The following HDX variants were observed in gnomAD, a reference collection of about 807,000 sequenced individuals.
HDX encodes the protein chromosome X open reading frame 43.
In HDX, 19 loss-of-function variants were observed where a neutral mutation model predicts 45.2. The ratio of observed to expected loss-of-function variants is 0.42; its 90% CI spans 0.29 to 0.62. The LOEUF (loss-of-function observed/expected upper bound fraction) is 0.62. Among genes scored for constraint, HDX ranks in the 20% least tolerant of loss-of-function variants. HDX has a pLI of 0.20. For missense variants in HDX, 532 were observed against 493.9 expected (o/e 1.08, Z -0.73); for synonymous variants, 188 against 172.8 (o/e 1.09, Z -0.69).
rs964438611 is a variant in HDX, at chrX:84,375,755, G to T, written c.1306-14143C>A. On this transcript the variant is annotated intron_variant, in intron 5 of 10. Coordinates refer to ENST00000373177, the MANE Select transcript of HDX (RefSeq NM_001177479.2). ...TCTGGGGACTGTTGTGGGGTGGGGG[G>T]AGTGGGGAGGGATAGCATTAGGAGA... Among the ~76,000 whole-genome samples, 83 of 107,481 alleles carry T rather than the reference G, an allele frequency of 7.7e-4. 1 individual carries two copies. The highest frequency in any genetic ancestry group is 1.4e-3 in the Admixed American group (14 of 10,021). The allele number at this position is 107,481 out of a possible 115,157, so 93.3% of individuals were successfully genotyped here. A position where few individuals can be genotyped will look rare whatever the true frequency, so the allele number is the denominator to read the frequency against.
intron 4 of HDX, among the ~76,000 whole-genome samples, chrX:84,465,390 A>G (rs1054899943): frequency 1.8e-5 from 2 of 112,417 alleles, no homozygotes; most frequent in Non-Finnish European, 3.8e-5. Context: ...TTGCAGCACT[A>G]TTGACAATAA....
In HDX at chrX:84,475,282, T is replaced by A; in HGVS notation, c.116A>T (p.Gln39Leu). The change falls in exon 3 of 11, where the codon CAG becomes CTG. Residue 39 changes from glutamine (Q) to leucine (L), a missense_variant. Coordinates refer to ENST00000373177, the MANE Select transcript of HDX (RefSeq NM_001177479.2). ...TACACTGAAGTCCAGCTTAGTCTCCTGTGCACACTGTAATATGAGCTGAAA... is the reference window on the plus strand; with the variant it reads ...TACACTGAAGTCCAGCTTAGTCTCCAGTGCACACTGTAATATGAGCTGAAA... Reference protein sequence around the residue: ...NCFQLILQCAQETKLDFSVVR... With the variant: ...NCFQLILQCALETKLDFSVVR... 8.3e-7 allele frequency: 1 copy of A among 1,200,340 alleles called. No individual in the cohort carries two copies. Among genetic ancestry groups the A allele is most frequent in the Non-Finnish European group, 1.1e-6 (1 of 888,403 alleles).
At chrX:84,475,129 C>A (rs2040521823) in intron 3 of HDX, 122 bp downstream of exon 3, 1 of 515,545 alleles carries the variant, frequency 1.9e-6, no homozygotes, top group South Asian at 3.2e-5. Context: ...TATTGTTATA[C>A]CAGGGAAGTG....
At chrX:84,382,304 A>T (rs2038208552) in intron 5 of HDX, among the ~76,000 whole-genome samples, 1 of 111,533 alleles carries the variant, frequency 9.0e-6, no homozygotes, top group African/African-American at 3.3e-5. Context: ...TTAGAAAACT[A>T]AAAATATAAG....
At chrX:84,467,204 T>C (rs780025927) in intron 4 of HDX, among the ~76,000 whole-genome samples, 3 of 111,524 alleles carry the variant, frequency 2.7e-5, no homozygotes, top group Middle Eastern at 4.7e-3. Flanking sequence ...TACTGTATTA[T>C]TGCTTTTCAT....
At chrX:84,396,435 G>C (rs2038565363) in intron 5 of HDX, among the ~76,000 whole-genome samples, 1 of 112,265 alleles carries the variant, frequency 8.9e-6, no homozygotes, top group Non-Finnish European at 1.9e-5. Context: ...TTGGTAGTCT[G>C]AGTCTGCCTA....
chrX:84,338,169 G>T (rs1211401063), intron 7 of HDX, among the ~76,000 whole-genome samples: 1 of 110,558 alleles, frequency 9.0e-6, no homozygotes, highest in Non-Finnish European at 1.9e-5. Flanking sequence ...GAGCATGGGG[G>T]AATTATTAAG....
chrX:84,437,501 G>A (rs1228331779), intron 5 of HDX, among the ~76,000 whole-genome samples: 1 of 111,064 alleles, frequency 9.0e-6, no homozygotes, highest in African/African-American at 3.3e-5. Flanking sequence ...ACTTTTATTG[G>A]CTATGGTTCC....
At chrX:84,347,750 CTT>C (rs1346952006) in intron 6 of HDX, among the ~76,000 whole-genome samples, 1 of 111,624 alleles carries the variant, frequency 9.0e-6, no homozygotes, top group Non-Finnish European at 1.9e-5. Flanking sequence ...CCTCTCAACA[CTT>C]TAAATATTTC....
intron 2 of HDX, among the ~76,000 whole-genome samples, chrX:84,478,479 C>G (rs539907624): frequency 6.3e-5 from 7 of 111,719 alleles, no homozygotes; most frequent in African/African-American, 2.3e-4. Context: ...CTTATAGATT[C>G]GATGCCATAC....
At chrX:84,491,905 G>C (rs1206728630) in intron 1 of HDX, among the ~76,000 whole-genome samples, 1 of 111,360 alleles carries the variant, frequency 9.0e-6, no homozygotes, top group Non-Finnish European at 1.9e-5. Flanking sequence ...CTTTATTGTG[G>C]TTCTTTCTCT....
intron 5 of HDX, among the ~76,000 whole-genome samples, chrX:84,394,787 A>G (rs1295025810): frequency 1.8e-5 from 2 of 110,276 alleles, no homozygotes; most frequent in Non-Finnish European, 3.8e-5. Flanking sequence ...TTTATTTAAC[A>G]TCTGTTTTAT....
chrX:84,377,314 A>G (rs969599235), intron 5 of HDX, among the ~76,000 whole-genome samples: 2 of 111,648 alleles, frequency 1.8e-5, no homozygotes, highest in African/African-American at 6.5e-5. Flanking sequence ...ACTGTAATAA[A>G]TACCTAACTC....
chrX:84,327,845 A>T (rs991567098), intron 9 of HDX, among the ~76,000 whole-genome samples: 1 of 111,124 alleles, frequency 9.0e-6, no homozygotes, highest in East Asian at 2.8e-4. Flanking sequence ...TTATTTAGAG[A>T]CAGGGACTTG....
intron 5 of HDX, among the ~76,000 whole-genome samples, chrX:84,389,072 T>A (rs2038383974): frequency 2.7e-5 from 3 of 112,014 alleles, no homozygotes; most frequent in Non-Finnish European, 5.6e-5. Context: ...GTGTATATAT[T>A]GGCAGAATAT....
chrX:84,473,425 A>G (rs1476207859), intron 3 of HDX, among the ~76,000 whole-genome samples: 1 of 109,347 alleles, frequency 9.1e-6, no homozygotes, highest in Non-Finnish European at 1.9e-5. Context: ...CCCATCAAAT[A>G]TGTGTTGGGA....
In HDX at chrX:84,328,373, A is replaced by C. The variant is rs552576210; in HGVS notation, c.1825-2073T>G. On this transcript the variant is annotated intron_variant, in intron 9 of 10. Coordinates refer to ENST00000373177, the MANE Select transcript of HDX (RefSeq NM_001177479.2). Reference sequence around the variant, plus strand: ...GGTGACAGTGAGACCCTATGTCAACAAACAAAACAAAATGATACAAAAAAC... The same window carrying C: ...GGTGACAGTGAGACCCTATGTCAACCAACAAAACAAAATGATACAAAAAAC... 3.6e-5 allele frequency among the ~76,000 whole-genome samples: 4 copies of C among 110,951 alleles called. No homozygotes were observed. In the South Asian group the frequency reaches 1.5e-3, roughly 42 times the overall value.
intron 5 of HDX, among the ~76,000 whole-genome samples, chrX:84,391,793 T>A (rs759207602): frequency 3.6e-5 from 4 of 111,879 alleles, no homozygotes; most frequent in Non-Finnish European, 7.5e-5. Context: ...TAGGATTGTT[T>A]TTTAGCTATT....
intron 1 of HDX, among the ~76,000 whole-genome samples, chrX:84,492,214 C>T (rs184377271): frequency 9.0e-6 from 1 of 111,558 alleles, no homozygotes; most frequent in East Asian, 2.8e-4. Flanking sequence ...TCTCCCTTCT[C>T]TCAAGAATCA....
Sources: allele counts gnomAD v4.1 joint callset (sites outside exome capture counted in the v4.1 genomes callset), GRCh38; gene constraint gnomAD v4.1.1; transcripts MANE v1.5; gene names NCBI Gene and HGNC (gene_info 2026-07-23, HGNC 2026-07-21).